SHOC1: variants seen among roughly 807,000 people sequenced by gnomAD.
SHOC1 encodes protein shortage in chiasmata 1 ortholog.
Under a neutral mutation model 179.2 loss-of-function variants are expected in SHOC1, and 136 were observed. The observed-to-expected ratio is 0.76, with a 90% CI of 0.66 to 0.87. The LOEUF (loss-of-function observed/expected upper bound fraction) is 0.87. Among genes scored for constraint, SHOC1 ranks in the 40% least tolerant of loss-of-function variants. The pLI is 0.00. For synonymous variants in SHOC1, 489 were observed against 586.6 expected, an observed-to-expected ratio of 0.83 and a Z score of 2.41; for missense variants, 1,538 against 1,700.8, an observed-to-expected ratio of 0.90 and a Z score of 1.68.
intron 24 of SHOC1, among the ~76,000 whole-genome samples, chr9:111,697,537 C>T (rs1246339333): frequency 1.3e-5 from 2 of 152,204 alleles, no homozygotes; most frequent in African/African-American, 4.8e-5. Flanking sequence ...TTTTTTATGG[C>T]TGCATAGTAC....
At chr9:111,791,648 C>T (rs566131558) in intron 1 of SHOC1, among the ~76,000 whole-genome samples, 194 bp from the exon 2 acceptor site, 12 of 152,084 alleles carry the variant, frequency 7.9e-5, no homozygotes, top group Admixed American at 4.6e-4. Context: ...TGAATAATTT[C>T]TTATTGTTTA....
At chr9:111,689,348 A>T (rs35552313) in intron 27 of SHOC1, among the ~76,000 whole-genome samples, 1,834 of 146,520 alleles carry the variant, frequency 0.013, 27 homozygotes, top group African/African-American at 0.037. Flanking sequence ...TAATAATAAT[A>T]ATTATTATTA....
intron 26 of SHOC1, among the ~76,000 whole-genome samples, chr9:111,693,192 G>A (rs532120132): frequency 6.6e-6 from 1 of 152,102 alleles, no homozygotes; most frequent in South Asian, 2.1e-4. Flanking sequence ...TGCAGTCCTA[G>A]CTGCTCGGGA....
intron 12 of SHOC1, among the ~76,000 whole-genome samples, chr9:111,730,885 A>T (rs1023731508): frequency 1.3e-5 from 2 of 152,182 alleles, no homozygotes; most frequent in African/African-American, 4.8e-5. Context: ...ATCTACATTG[A>T]ATATCTGTTG....
intron 18 of SHOC1, 83 bp downstream of exon 18, chr9:111,713,017 A>T: frequency 1.2e-6 from 1 of 859,300 alleles, no homozygotes; most frequent in Non-Finnish European, 1.8e-6. Flanking sequence ...ATTATGTCTT[A>T]ATTTTAAAAG....
chr9:111,769,115 T>C (rs1835468171), intron 5 of SHOC1, among the ~76,000 whole-genome samples: 1 of 152,220 alleles, frequency 6.6e-6, no homozygotes, highest in African/African-American at 2.4e-5. Flanking sequence ...CACTTTATCA[T>C]GGTGAATGAT....
intron 24 of SHOC1, 63 bp downstream of exon 24, chr9:111,699,891 A>T: frequency 2.0e-6 from 2 of 988,406 alleles, no homozygotes; most frequent in Non-Finnish European, 3.1e-6. Flanking sequence ...TTGGGCACTT[A>T]AGTTTGAGTA....
At chr9:111,754,739 C>CTA (rs1834777259) in intron 8 of SHOC1, among the ~76,000 whole-genome samples, 1 of 152,120 alleles carries the variant, frequency 6.6e-6, no homozygotes, top group Non-Finnish European at 1.5e-5. Context: ...ACAAAATGTG[C>CTA]TATAGCCATA....
chr9:111,751,371 T>C (rs1390381818), intron 8 of SHOC1, among the ~76,000 whole-genome samples: 1 of 152,204 alleles, frequency 6.6e-6, no homozygotes, highest in Non-Finnish European at 1.5e-5. Context: ...TGTTGGTGTA[T>C]AGGAATGCTA....
At chr9:111,740,872 A>AT (rs1564139614) in intron 11 of SHOC1, among the ~76,000 whole-genome samples, 2 of 151,694 alleles carry the variant, frequency 1.3e-5, no homozygotes, top group African/African-American at 2.4e-5. Context: ...GTGCCCGGCC[A>AT]TTTTTTTTGT....
intron 5 of SHOC1, among the ~76,000 whole-genome samples, chr9:111,766,560 T>C (rs1313552688): frequency 6.6e-6 from 1 of 152,172 alleles, no homozygotes; most frequent in Non-Finnish European, 1.5e-5. Flanking sequence ...ATTACCTTTT[T>C]GATACAAGCC....
intron 26 of SHOC1, 32 bp from the exon 27 acceptor site, chr9:111,692,543 A>G: frequency 6.9e-7 from 1 of 1,452,402 alleles, no homozygotes; most frequent in Non-Finnish European, 9.3e-7. Flanking sequence ...TGCAAATGTC[A>G]GTTTAGTAAA....
Position 111,718,257 on chromosome 9 carries a change from C to A in SHOC1, c.2163G>T (p.Lys721Asn), listed in dbSNP as rs1346849070. The A allele has an allele frequency of 3.8e-6, 6 of 1,595,908 alleles. No homozygotes were observed. In the South Asian group the frequency reaches 4.6e-5, roughly 12 times the overall value. ...GTIDEREMTF[K>N]HAALLHLLVT... ...CCAGAAGATGTAAGAGAGCGGCATG[C>A]TTGAAAGTCATTTCTCTTTCATCAA... is the stretch of plus-strand genomic sequence containing the variant. Residue 721 changes from lysine to asparagine, a missense_variant, in exon 16 of 28, where the codon AAG becomes AAT. Transcript: ENST00000682961.
chr9:111,691,670 G>A lies in SHOC1; in HGVS notation c.4307C>T (p.Ser1436Phe). 6.2e-7 allele frequency: 1 copy of A among 1,613,912 alleles called. No homozygotes were observed. The highest frequency in any genetic ancestry group is 8.5e-7 in the Non-Finnish European group (1 of 1,179,946). The stretch of plus-strand genomic sequence containing the variant: ...GTTGAATTCTTTTTGATTTGCATTA[G>A]AATCAGAAGCACGAAATAAATCCAA... ...PSLDLFRASD[S>F]NANQKEFNSL... The change falls in exon 27 of 28, where the codon TCT (serine) becomes TTT (phenylalanine). Residue 1436 changes from serine to phenylalanine, a missense_variant. Coordinates refer to ENST00000682961, the MANE Select transcript of SHOC1 (RefSeq NM_001378211.1).
At chr9:111,759,270 C>T (rs754787626) in intron 5 of SHOC1, 2 of 1,613,086 alleles carry the variant, frequency 1.2e-6, no homozygotes, top group Admixed American at 1.7e-5. Flanking sequence ...TCCAATTCAT[C>T]CCCCAGAGTC....
At chr9:111,718,401 A>T in intron 15 of SHOC1, 113 bp from the exon 16 acceptor site, 1 of 569,882 alleles carries the variant, frequency 1.8e-6, no homozygotes, top group South Asian at 3.3e-5. Context: ...TGCTTACTAT[A>T]TGCCAGGCTG....
At chr9:111,762,357 G>A (rs990851487) in intron 5 of SHOC1, among the ~76,000 whole-genome samples, 1 of 151,792 alleles carries the variant, frequency 6.6e-6, no homozygotes, top group Admixed American at 6.6e-5. Context: ...GAGCCCGGGG[G>A]TTTCAAGGCT....
intron 5 of SHOC1, among the ~76,000 whole-genome samples, chr9:111,764,575 G>A (rs770165042): frequency 2.2e-4 from 33 of 152,258 alleles, no homozygotes; most frequent in Admixed American, 7.2e-4. Context: ...ACTACATTGG[G>A]AGAGTAGACC....
intron 10 of SHOC1, among the ~76,000 whole-genome samples, chr9:111,745,039 C>T (rs1201926211): frequency 6.6e-6 from 1 of 152,130 alleles, no homozygotes. Context: ...CGAATCAAGC[C>T]TTGGTTCTGT....
Sources: gnomAD v4.1 joint callset for allele counts (sites outside exome capture counted in the v4.1 genomes callset) on GRCh38, gnomAD v4.1.1 for gene constraint, MANE v1.5 for transcripts, NCBI Gene and HGNC (gene_info 2026-07-23, HGNC 2026-07-21) for gene names.